The following TMTC2 variants were observed in gnomAD, a reference collection of about 807,000 sequenced individuals.
The protein encoded by TMTC2 is transmembrane O-mannosyltransferase targeting cadherins 2.
TMTC2 carries 43 observed loss-of-function variants against 82.4 expected under a neutral mutation model. That is an observed-to-expected ratio of 0.52 (90% CI 0.41 to 0.67). TMTC2 has a LOEUF of 0.67. Ranked by LOEUF, TMTC2 falls within the 30% of genes least tolerant of loss-of-function variation. TMTC2 has a pLI of 0.00. For synonymous variants in TMTC2, 408 were observed against 381.9 expected (o/e 1.07, Z -0.80); for missense variants, 919 against 1,012.4 (o/e 0.91, Z 1.25).
At chr12:82,860,633 G>A (rs1449165466) in intron 2 of TMTC2, among the ~76,000 whole-genome samples, 1 of 152,196 alleles carries the variant, frequency 6.6e-6, no homozygotes, top group East Asian at 1.9e-4. Flanking sequence ...GAGCTGAAGT[G>A]TCCAGTATTT....
chr12:82,699,925 AT>A (rs1328009412), intron 1 of TMTC2, among the ~76,000 whole-genome samples: 2 of 152,124 alleles, frequency 1.3e-5, no homozygotes, highest in African/African-American at 4.8e-5. Flanking sequence ...ACATGTACAG[AT>A]TTTTTATTGT....
chr12:82,856,284 G>A (rs12300038), intron 1 of TMTC2, among the ~76,000 whole-genome samples: 38,863 of 152,174 alleles, frequency 0.26, 11,014 homozygotes, highest in African/African-American at 0.71. Context: ...TCTATAGAGG[G>A]TAGTAAGTCC....
intron 8 of TMTC2, among the ~76,000 whole-genome samples, chr12:82,997,270 G>A (rs1214953213): frequency 8.6e-6 from 1 of 116,400 alleles, no homozygotes; most frequent in Non-Finnish European, 1.7e-5. Flanking sequence ...TATTTATATA[G>A]GTGTATATAA....
chr12:83,096,556 A>G (rs1321769434), intron 11 of TMTC2, among the ~76,000 whole-genome samples: 1 of 152,230 alleles, frequency 6.6e-6, no homozygotes, highest in Non-Finnish European at 1.5e-5. Flanking sequence ...GGCAAAAGGC[A>G]CATCTTACAT....
At chr12:82,910,254 T>C (rs1242115281) in intron 3 of TMTC2, among the ~76,000 whole-genome samples, 1 of 152,190 alleles carries the variant, frequency 6.6e-6, no homozygotes, top group Non-Finnish European at 1.5e-5. Flanking sequence ...TTTTTATGCA[T>C]GTGGGCATTA....
At chr12:83,057,791 T>C (rs1406249773) in intron 10 of TMTC2, among the ~76,000 whole-genome samples, 1 of 151,946 alleles carries the variant, frequency 6.6e-6, no homozygotes. Flanking sequence ...CTTTTGTATG[T>C]ATCCGTGGTT....
At chr12:82,792,637 T>C (rs1455129350) in intron 1 of TMTC2, among the ~76,000 whole-genome samples, 1 of 151,982 alleles carries the variant, frequency 6.6e-6, no homozygotes, top group East Asian at 1.9e-4. Context: ...CAGCTATTTT[T>C]TATTTTTTTC....
At chr12:82,704,007 A>G (rs1429420940) in intron 1 of TMTC2, among the ~76,000 whole-genome samples, 1 of 152,222 alleles carries the variant, frequency 6.6e-6, no homozygotes, top group Non-Finnish European at 1.5e-5. Context: ...TTAAAATGCT[A>G]TAATCATAGT....
At chr12:83,072,838 C>A (rs140696673) in intron 11 of TMTC2, among the ~76,000 whole-genome samples, 42 of 152,136 alleles carry the variant, frequency 2.8e-4, no homozygotes, top group Middle Eastern at 3.4e-3. Flanking sequence ...TTTTTTGTTG[C>A]CCATTCTCAT....
intron 6 of TMTC2, among the ~76,000 whole-genome samples, 184 bp from the exon 7 acceptor site, chr12:82,966,735 T>C (rs1384824156): frequency 6.6e-6 from 1 of 152,124 alleles, no homozygotes; most frequent in Non-Finnish European, 1.5e-5. Context: ...CTGGGCTGAG[T>C]GTTTTCATTG....
rs1054645662 is a variant in TMTC2 at position 82,864,223 on chromosome 12, G to A, written c.654+6643G>A. 9.2e-5 allele frequency among the ~76,000 whole-genome samples: 14 copies of A among 152,052 alleles called. No individual in the cohort carries two copies. The South Asian group carries it at 1.0e-3, about 11-fold the overall frequency. On this transcript the variant is annotated intron_variant, in intron 2 of 11. Coordinates refer to ENST00000321196, the MANE Select transcript of TMTC2 (RefSeq NM_152588.3). ...ACCACCTGGTATGTATAGTGATATC[G>A]GGGCCTTCTGTGCTATATTGTGGCT... is the stretch of plus-strand genomic sequence containing the variant.
intron 1 of TMTC2, among the ~76,000 whole-genome samples, chr12:82,763,347 A>T (rs564608442): frequency 7.2e-5 from 11 of 152,310 alleles, no homozygotes. Context: ...CAGTTCTCAA[A>T]ATTTCCTGTA....
At chr12:83,115,716 T>G (rs1884733016) in intron 11 of TMTC2, among the ~76,000 whole-genome samples, 1 of 152,094 alleles carries the variant, frequency 6.6e-6, no homozygotes, top group Non-Finnish European at 1.5e-5. Context: ...AGTTTTTTAG[T>G]GGTGATTTGT....
intron 11 of TMTC2, among the ~76,000 whole-genome samples, chr12:83,131,041 A>G (rs1247988820): frequency 6.6e-6 from 1 of 152,232 alleles, no homozygotes. Context: ...AATTCAGCTG[A>G]AAAGTGCATG....
At chr12:82,834,533 G>A (rs1869924701) in intron 1 of TMTC2, among the ~76,000 whole-genome samples, 1 of 152,180 alleles carries the variant, frequency 6.6e-6, no homozygotes, top group South Asian at 2.1e-4. Context: ...GCAATGATAG[G>A]TACAGAGTAA....
At chr12:82,778,479 G>A (rs367865860) in intron 1 of TMTC2, among the ~76,000 whole-genome samples, 1 of 152,104 alleles carries the variant, frequency 6.6e-6, no homozygotes, top group Non-Finnish European at 1.5e-5. Context: ...ACTTTGGGAG[G>A]CCAAGGCGAG....
chr12:83,065,157 T>C (rs920252370), intron 11 of TMTC2, among the ~76,000 whole-genome samples: 1 of 151,988 alleles, frequency 6.6e-6, no homozygotes, highest in Non-Finnish European at 1.5e-5. Context: ...TTCATTACAG[T>C]CACATTAAAT....
chr12:83,131,760 CTGGGATAT>C (rs1885261594), intron 11 of TMTC2, among the ~76,000 whole-genome samples: 2 of 152,142 alleles, frequency 1.3e-5, no homozygotes, highest in South Asian at 4.2e-4. Flanking sequence ...TGTTAAAAGC[CTGGGATAT>C]TGCTAAGAAG....
At chr12:83,127,941 T>C (rs1272711861) in intron 11 of TMTC2, among the ~76,000 whole-genome samples, 1 of 152,170 alleles carries the variant, frequency 6.6e-6, no homozygotes, top group Non-Finnish European at 1.5e-5. Flanking sequence ...TCATTTTCTG[T>C]TTCAGTATGG....
Sources: gnomAD v4.1 joint callset for allele counts (sites outside exome capture counted in the v4.1 genomes callset) on GRCh38, gnomAD v4.1.1 for gene constraint, MANE v1.5 for transcripts, NCBI Gene and HGNC (gene_info 2026-07-23, HGNC 2026-07-21) for gene names.